OR5H1: variants seen among roughly 807,000 people sequenced by gnomAD.
The protein encoded by OR5H1 is olfactory receptor 5H1.
For synonymous variants in OR5H1, 124 were observed against 134.4 expected (o/e 0.92, Z 0.54); for missense variants, 378 against 366.8 (o/e 1.03, Z -0.25).
At chr3:98,132,580 G>C (rs534106709) in intron 1 of OR5H1, 100 bp from the exon 2 acceptor site, 3 of 1,309,292 alleles carry the variant, frequency 2.3e-6, no homozygotes, top group Admixed American at 2.2e-5. Context: ...AAATTGAGAG[G>C]GTTCTGATCA....
At chr3:98,132,596 G>A in intron 1 of OR5H1, 84 bp from the exon 2 acceptor site, 1 of 1,468,384 alleles carries the variant, frequency 6.8e-7, no homozygotes, top group Non-Finnish European at 9.3e-7. Flanking sequence ...GATCATTTTA[G>A]GTTTTCCTTC....
chr3:98,133,120 CATCCGGCTATTA>C lies in OR5H1; in HGVS notation c.427_438del (p.Arg143_Ile146del), dbSNP rs752350232. The C allele has an allele frequency of 6.2e-7, 1 of 1,613,532 alleles. No homozygotes were observed. The highest frequency in any genetic ancestry group is 2.2e-5 in the East Asian group (1 of 44,860). ...CAGCCATTATGACCAATGGACTGTG[CATCCGGCTATTA>C]ATCTTGTCATATGTAGGTGGTATTC... On this transcript the variant is annotated inframe_deletion, in exon 2 of 2. Coordinates refer to ENST00000641874, the MANE Select transcript of OR5H1 (RefSeq NM_001005338.2).
chr3:98,132,913 G>A lies in OR5H1; in HGVS notation c.216G>A (p.Trp72Ter). 2 of 1,613,170 alleles carry A rather than the reference G, an allele frequency of 1.2e-6. No individual in the cohort carries two copies. Among genetic ancestry groups the A allele is most frequent in the Non-Finnish European group, 1.7e-6 (2 of 1,179,338 alleles). Reference sequence around the variant, plus strand: ...GGAATTTAGCTTTTGTGGATGCTTGGATATCATCCACAGTGACCCCAAAGA... The same window carrying A: ...GGAATTTAGCTTTTGTGGATGCTTGAATATCATCCACAGTGACCCCAAAGA... ...LLGNLAFVDA[W>*]ISSTVTPKML... The change falls in exon 2 of 2, where the codon TGG becomes TGA. Residue 72 changes from tryptophan (W) to a stop codon, truncating the protein, a stop_gained. Coordinates refer to ENST00000641874, the MANE Select transcript of OR5H1 (RefSeq NM_001005338.2). LOFTEE classifies it low-confidence loss of function (END_TRUNC).
intron 1 of OR5H1, among the ~76,000 whole-genome samples, chr3:98,131,889 T>C (rs1176725539): frequency 1.1e-4 from 16 of 152,066 alleles, no homozygotes. Flanking sequence ...ACTTACTGCC[T>C]ACAAAATATG....
In OR5H1 at chr3:98,137,836, T is replaced by A. The variant is rs1042636725; in HGVS notation, c.*4197T>A. ...TAAGTAGACTTCTTATTAAACATAA[T>A]TATGGTTTAAAAGTTCATTTATAAA... On this transcript the variant is annotated 3_prime_UTR_variant, in exon 2 of 2. Coordinates refer to ENST00000641874, the MANE Select transcript of OR5H1 (RefSeq NM_001005338.2). The A allele has an allele frequency of 2.6e-5, 4 of 152,200 alleles. No individual in the cohort carries two copies. Among genetic ancestry groups the A allele is most frequent in the African/African-American group, 7.2e-5 (3 of 41,452 alleles). 9.4% of individuals were successfully genotyped at this position (152,200 alleles called of 1,614,324 possible).
Position 98,131,139 on chromosome 3 carries a change from GATA to G in OR5H1, c.-19+295_-19+297del, listed in dbSNP as rs1708251504. Among the ~76,000 whole-genome samples the G allele has an allele frequency of 2.0e-5, 3 of 152,118 alleles. No individual in the cohort carries two copies. The South Asian group carries it at 6.2e-4, about 32-fold the overall frequency. On this transcript the variant is annotated intron_variant, in intron 1 of 1. Coordinates refer to ENST00000641874, the MANE Select transcript of OR5H1 (RefSeq NM_001005338.2). ...AACTAAAACTTGGTTTAAAGATTCAGATAATAATGATTCTTAGAATTATTTCTT... is the reference window on the plus strand; with the variant it reads ...AACTAAAACTTGGTTTAAAGATTCAGATAATGATTCTTAGAATTATTTCTT...
chr3:98,136,721 C>T lies in OR5H1; in HGVS notation c.*3082C>T, dbSNP rs946844098. ...TAAGCATGTTCTTACTGTCTTAGTT[C>T]CCATGAGGGCTGGTTGATAAAAGAG... is the stretch of plus-strand genomic sequence containing the variant. On this transcript the variant is annotated 3_prime_UTR_variant, in exon 2 of 2. Transcript: ENST00000641874. The T allele has an allele frequency of 6.6e-6, 1 of 152,084 alleles. No individual in the cohort carries two copies. The highest frequency in any genetic ancestry group is 2.4e-5 in the African/African-American group (1 of 41,402). 9.4% of individuals were successfully genotyped at this position (152,084 alleles called of 1,614,324 possible). A position where few individuals can be genotyped will look rare whatever the true frequency, so the allele number is the denominator to read the frequency against.
chr3:98,133,756 A>G lies in OR5H1; in HGVS notation c.*117A>G. The G allele has an allele frequency of 1.3e-6, 1 of 773,552 alleles. No individual in the cohort carries two copies. The highest frequency in any genetic ancestry group is 1.6e-5 in the South Asian group (1 of 61,116). The allele number at this position is 773,552 out of a possible 1,614,324, so 47.9% of individuals were successfully genotyped here. Reference sequence around the variant, plus strand: ...AACTGTTCTAGCACTTTAGTGAGCTAATGTTTTAGTACCTAATAAACTAAT... The same window carrying G: ...AACTGTTCTAGCACTTTAGTGAGCTGATGTTTTAGTACCTAATAAACTAAT... On this transcript the variant is annotated 3_prime_UTR_variant, in exon 2 of 2. Coordinates refer to ENST00000641874, the MANE Select transcript of OR5H1 (RefSeq NM_001005338.2).
rs561859422 is a variant in OR5H1 at position 98,133,199 on chromosome 3, T to G, written c.502T>G (p.Phe168Val). ...TGAAGGATTTTTATTCAGACTAACC[T>G]TCTGTAACTCCAACATAGTACATCA... ...IHEGFLFRLTFCNSNIVHHIY... is the reference protein window; with the variant it reads ...IHEGFLFRLTVCNSNIVHHIY... The change falls in exon 2 of 2, where the codon TTC (phenylalanine) becomes GTC (valine). Residue 168 changes from phenylalanine (F) to valine (V), a missense_variant. Coordinates refer to ENST00000641874, the MANE Select transcript of OR5H1 (RefSeq NM_001005338.2). 6.2e-7 allele frequency: 1 copy of G among 1,612,950 alleles called. No homozygotes were observed. The highest frequency in any genetic ancestry group is 2.2e-5 in the East Asian group (1 of 44,822).
Position 98,136,045 on chromosome 3 carries a change from G to T in OR5H1, c.*2406G>T, listed in dbSNP as rs1327290420. 1 of 152,188 alleles carries T rather than the reference G, an allele frequency of 6.6e-6. No homozygotes were observed. The highest frequency in any genetic ancestry group is 1.5e-5 in the Non-Finnish European group (1 of 68,034). 9.4% of individuals were successfully genotyped at this position (152,188 alleles called of 1,614,324 possible). On this transcript the variant is annotated 3_prime_UTR_variant, in exon 2 of 2. Transcript: ENST00000641874. Reference sequence around the variant, plus strand: ...ATATCAAGTTGTCCAGCCCTAGCTTGTAGCGCTTCAGGAATAGGACAGTTT... The same window carrying T: ...ATATCAAGTTGTCCAGCCCTAGCTTTTAGCGCTTCAGGAATAGGACAGTTT...
intron 1 of OR5H1, among the ~76,000 whole-genome samples, chr3:98,132,338 T>C (rs1262119052): frequency 1.3e-5 from 2 of 152,200 alleles, no homozygotes; most frequent in East Asian, 3.9e-4. Flanking sequence ...TTATTTTATT[T>C]ATTTTTAATT....
intron 1 of OR5H1, among the ~76,000 whole-genome samples, chr3:98,131,393 C>G (rs1022948669): frequency 6.6e-6 from 1 of 151,680 alleles, no homozygotes; most frequent in Non-Finnish European, 1.5e-5. Context: ...TTTTGTCCCT[C>G]TCTCCATATT....
rs1218224819 is a variant in OR5H1, at chr3:98,135,555, CAGAA to C, written c.*1917_*1920del. The C allele has an allele frequency of 6.6e-6, 1 of 152,158 alleles. No individual in the cohort carries two copies. The highest frequency in any genetic ancestry group is 1.5e-5 in the Non-Finnish European group (1 of 68,030). The allele number at this position is 152,158 out of a possible 1,614,324, so 9.4% of individuals were successfully genotyped here. On this transcript the variant is annotated 3_prime_UTR_variant, in exon 2 of 2. Coordinates refer to ENST00000641874, the MANE Select transcript of OR5H1 (RefSeq NM_001005338.2). ...ATAAGTTACAATGTCTGGTCTCTTA[CAGAA>C]GTGTTTCTTTTATGGACACTTCGTT...
chr3:98,132,771 T>C lies in OR5H1; in HGVS notation c.74T>C (p.Ile25Thr). 1.2e-6 allele frequency: 2 copies of C among 1,613,454 alleles called. No individual in the cohort carries two copies. The highest frequency in any genetic ancestry group is 2.2e-5 in the East Asian group (1 of 44,866). ...TGFLYQPQWKIPLFLAFLVIY... is the reference protein window; with the variant it reads ...TGFLYQPQWKTPLFLAFLVIY... ...TTTTTATATCAACCACAGTGGAAAATACCCCTGTTCCTGGCATTCTTGGTA... is the reference window on the plus strand; with the variant it reads ...TTTTTATATCAACCACAGTGGAAAACACCCCTGTTCCTGGCATTCTTGGTA... The change falls in exon 2 of 2, where the codon ATA becomes ACA. Residue 25 changes from isoleucine to threonine, a missense_variant. Ile to Thr is a moderately conservative substitution (Grantham distance 89). Coordinates refer to ENST00000641874, the MANE Select transcript of OR5H1 (RefSeq NM_001005338.2).
Position 98,132,918 on chromosome 3 carries a change from C to T in OR5H1, c.221C>T (p.Ser74Leu), listed in dbSNP as rs140171913. Residue 74 changes from serine to leucine, a missense_variant, in exon 2 of 2, where the codon TCA becomes TTA. Physicochemically the swap from Ser to Leu is moderately radical, Grantham distance 145. Coordinates refer to ENST00000641874, the MANE Select transcript of OR5H1 (RefSeq NM_001005338.2). ...GNLAFVDAWISSTVTPKMLNN... is the reference protein window; with the variant it reads ...GNLAFVDAWILSTVTPKMLNN... ...TTAGCTTTTGTGGATGCTTGGATAT[C>T]ATCCACAGTGACCCCAAAGATGCTG... 136 of 1,613,350 alleles carry T rather than the reference C, an allele frequency of 8.4e-5. No homozygotes were observed. Among genetic ancestry groups the T allele is most frequent in the Non-Finnish European group, 1.1e-4 (125 of 1,179,624 alleles).
Position 98,133,953 on chromosome 3 carries a change from T to C in OR5H1, c.*314T>C. ...TAGCCTAGTTTATCATATAAGGACT[T>C]GAGTATGATGGTTTTGATACTAATA... On this transcript the variant is annotated 3_prime_UTR_variant, in exon 2 of 2. Coordinates refer to ENST00000641874, the MANE Select transcript of OR5H1 (RefSeq NM_001005338.2). 3.9e-6 allele frequency: 1 copy of C among 258,024 alleles called. No homozygotes were observed. Among genetic ancestry groups the C allele is most frequent in the Non-Finnish European group, 7.5e-6 (1 of 133,360 alleles). 16.0% of individuals were successfully genotyped at this position (258,024 alleles called of 1,614,324 possible).
rs769803087 is a variant in OR5H1, at chr3:98,133,041, T to C, written c.344T>C (p.Leu115Ser). The change falls in exon 2 of 2, where the codon TTG becomes TCG. Residue 115 changes from leucine (L) to serine (S), a missense_variant. Leu to Ser is a moderately radical substitution (Grantham distance 145). Transcript: ENST00000641874. Reference sequence around the variant, plus strand: ...AGTGTAACCACGGAATGTTTTCTCTTGGCAACGATGGCATATGATCGCTAT... The same window carrying C: ...AGTGTAACCACGGAATGTTTTCTCTCGGCAACGATGGCATATGATCGCTAT... ...AISVTTECFL[L>S]ATMAYDRYVA... 1 of 1,613,634 alleles carries C rather than the reference T, an allele frequency of 6.2e-7. No individual in the cohort carries two copies. The highest frequency in any genetic ancestry group is 8.5e-7 in the Non-Finnish European group (1 of 1,179,662).
intron 1 of OR5H1, 107 bp downstream of exon 1, chr3:98,130,957 A>G (rs952060787): frequency 1.3e-5 from 2 of 152,108 alleles, no homozygotes; most frequent in African/African-American, 4.8e-5. Context: ...GTCATAATAG[A>G]AAGTCAGAAA....
In OR5H1 at chr3:98,135,169, A is replaced by G. The variant is rs1191782777; in HGVS notation, c.*1530A>G. 6.6e-6 allele frequency: 1 copy of G among 152,142 alleles called. No homozygotes were observed. The highest frequency in any genetic ancestry group is 1.9e-4 in the East Asian group (1 of 5,196). The allele number at this position is 152,142 out of a possible 1,614,324, so 9.4% of individuals were successfully genotyped here. A position where few individuals can be genotyped will look rare whatever the true frequency, so the allele number is the denominator to read the frequency against. On this transcript the variant is annotated 3_prime_UTR_variant, in exon 2 of 2. Coordinates refer to ENST00000641874, the MANE Select transcript of OR5H1 (RefSeq NM_001005338.2). Reference sequence around the variant, plus strand: ...TGGGGATTTCCTGAAGGTGCAAGAGAGGAGATAAAGGCTTTTACAGGGCAA... The same window carrying G: ...TGGGGATTTCCTGAAGGTGCAAGAGGGGAGATAAAGGCTTTTACAGGGCAA...
Sources: gnomAD v4.1 joint callset for allele counts (sites outside exome capture counted in the v4.1 genomes callset) on GRCh38, gnomAD v4.1.1 for gene constraint, MANE v1.5 for transcripts, NCBI Gene and HGNC (gene_info 2026-07-23, HGNC 2026-07-21) for gene names.